Variants in PCSK2 observed in about 807,000 individuals in gnomAD.
The protein encoded by PCSK2 is proprotein convertase subtilisin/kexin type 2.
A neutral mutation model predicts 69.7 loss-of-function variants in PCSK2; 14 were observed. That is an observed-to-expected ratio of 0.20 (90% CI 0.13 to 0.31). PCSK2 has a LOEUF of 0.31. Among genes scored for constraint, PCSK2 ranks in the 10% least tolerant of loss-of-function variants. The probability of loss-of-function intolerance (pLI) is 1.00; values close to 1 mark genes in which losing one functional copy is unlikely to be tolerated. For synonymous variants in PCSK2, 307 were observed against 320.7 expected (o/e 0.96, Z 0.46); for missense variants, 544 against 842.5 (o/e 0.65, Z 4.39).
intron 2 of PCSK2, among the ~76,000 whole-genome samples, chr20:17,326,379 G>A (rs1377600186): frequency 6.6e-6 from 1 of 152,040 alleles, no homozygotes; most frequent in Non-Finnish European, 1.5e-5. Context: ...AGAACCTAAG[G>A]AACTATGATG....
In PCSK2 at chr20:17,356,147, G is replaced by GTATATA. The variant is rs200191838; in HGVS notation, c.283-2172_283-2167dup. Among the ~76,000 whole-genome samples, 39 of 151,200 alleles carry GTATATA rather than the reference G, an allele frequency of 2.6e-4. No individual in the cohort carries two copies. The South Asian group carries it at 2.9e-3, about 11-fold the overall frequency. ...TATATACACACATACATGTGCATAA[G>GTATATA]TATATATATATATGTATATGTACCT... On this transcript the variant is annotated intron_variant, in intron 2 of 11. Transcript: ENST00000262545.
chr20:17,348,214 G>C (rs1323823121), intron 2 of PCSK2, among the ~76,000 whole-genome samples: 1 of 152,210 alleles, frequency 6.6e-6, no homozygotes, highest in Non-Finnish European at 1.5e-5. Context: ...ACACACTTAG[G>C]AATGGACTCC....
chr20:17,407,157 CA>C (rs1211448125), intron 5 of PCSK2, among the ~76,000 whole-genome samples: 1 of 152,124 alleles, frequency 6.6e-6, no homozygotes, highest in East Asian at 1.9e-4. Flanking sequence ...TCAGATGCCT[CA>C]CAGGGGCATT....
chr20:17,299,453 A>G (rs1989005546), intron 2 of PCSK2, among the ~76,000 whole-genome samples: 1 of 152,030 alleles, frequency 6.6e-6, no homozygotes, highest in Non-Finnish European at 1.5e-5. Flanking sequence ...CTTCATTACA[A>G]TTACTTTTAA....
chr20:17,281,997 C>T lies in PCSK2; in HGVS notation c.282+21653C>T, dbSNP rs556499985. 4.6e-5 allele frequency among the ~76,000 whole-genome samples: 7 copies of T among 152,228 alleles called. No individual in the cohort carries two copies. The East Asian group carries it at 1.4e-3, about 30-fold the overall frequency. Reference sequence around the variant, plus strand: ...TTCTTAATCTTTGACCTTCCCAGTGCCATTCACACAATCCATAACAGTTCT... The same window carrying T: ...TTCTTAATCTTTGACCTTCCCAGTGTCATTCACACAATCCATAACAGTTCT... On this transcript the variant is annotated intron_variant, in intron 2 of 11. Transcript: ENST00000262545.
At chr20:17,389,324 G>A (rs1297178484) in intron 5 of PCSK2, among the ~76,000 whole-genome samples, 1 of 152,148 alleles carries the variant, frequency 6.6e-6, no homozygotes, top group African/African-American at 2.4e-5. Context: ...AGGAACAGCC[G>A]TGGTCATCAG....
chr20:17,473,343 G>A (rs1479231174), intron 11 of PCSK2, among the ~76,000 whole-genome samples: 1 of 151,898 alleles, frequency 6.6e-6, no homozygotes, highest in Non-Finnish European at 1.5e-5. Flanking sequence ...CCGACCCCTC[G>A]GCCTCGCAAA....
intron 1 of PCSK2, among the ~76,000 whole-genome samples, chr20:17,246,713 C>T (rs1296384968): frequency 6.6e-6 from 1 of 151,294 alleles, no homozygotes; most frequent in African/African-American, 2.4e-5. Flanking sequence ...GTGGTCTGTC[C>T]CCTAGTGGTC....
At chr20:17,350,231 A>G (rs1378835140) in intron 2 of PCSK2, among the ~76,000 whole-genome samples, 1 of 150,582 alleles carries the variant, frequency 6.6e-6, no homozygotes, top group Non-Finnish European at 1.5e-5. Context: ...GCCTTAATAT[A>G]TCTTTCAGGA....
chr20:17,299,945 C>T (rs923911849), intron 2 of PCSK2, among the ~76,000 whole-genome samples: 1 of 152,178 alleles, frequency 6.6e-6, no homozygotes, highest in Non-Finnish European at 1.5e-5. Flanking sequence ...ATGAACAAAG[C>T]TAGTCTTCTT....
intron 5 of PCSK2, among the ~76,000 whole-genome samples, chr20:17,374,458 G>A (rs757806008): frequency 2.0e-5 from 3 of 152,162 alleles, no homozygotes; most frequent in Non-Finnish European, 4.4e-5. Flanking sequence ...AACGTCTCCT[G>A]CTTTGTAGCT....
intron 5 of PCSK2, among the ~76,000 whole-genome samples, chr20:17,398,748 T>C (rs1200077715): frequency 1.3e-5 from 2 of 151,692 alleles, no homozygotes; most frequent in East Asian, 1.9e-4. Context: ...GTTGGGTTTG[T>C]TGGAGGTTTG....
At chr20:17,481,109 G>C (rs11087209) in intron 11 of PCSK2, among the ~76,000 whole-genome samples, 1 of 152,014 alleles carries the variant, frequency 6.6e-6, no homozygotes, top group African/African-American at 2.4e-5. Context: ...AGCCGGGCGT[G>C]GTGGCTCACA....
intron 2 of PCSK2, among the ~76,000 whole-genome samples, chr20:17,341,247 TAAATA>T (rs1990503482): frequency 6.6e-6 from 1 of 152,094 alleles, no homozygotes; most frequent in Non-Finnish European, 1.5e-5. Flanking sequence ...CAAAAATAAA[TAAATA>T]AAATAAAAGA....
intron 2 of PCSK2, among the ~76,000 whole-genome samples, chr20:17,272,582 A>G (rs992534501): frequency 5.9e-5 from 9 of 152,108 alleles, no homozygotes; most frequent in Admixed American, 1.3e-4. Context: ...CTTGTCATCT[A>G]TGATTTTGAT....
At chr20:17,280,043 A>G (rs1988248093) in intron 2 of PCSK2, among the ~76,000 whole-genome samples, 1 of 151,956 alleles carries the variant, frequency 6.6e-6, no homozygotes, top group Admixed American at 6.6e-5. Flanking sequence ...TCCGCAGAAG[A>G]AAACACTATT....
intron 2 of PCSK2, among the ~76,000 whole-genome samples, chr20:17,262,183 C>T (rs1987415370): frequency 6.6e-6 from 1 of 152,160 alleles, no homozygotes; most frequent in Non-Finnish European, 1.5e-5. Flanking sequence ...AATCATTTGT[C>T]TTTCTCTTCA....
At chr20:17,348,322 G>A (rs984486674) in intron 2 of PCSK2, among the ~76,000 whole-genome samples, 4 of 152,216 alleles carry the variant, frequency 2.6e-5, no homozygotes, top group African/African-American at 9.6e-5. Flanking sequence ...GGAGTGAGAT[G>A]AGCCTAGCTT....
intron 8 of PCSK2, among the ~76,000 whole-genome samples, chr20:17,443,204 A>G (rs966718152): frequency 6.6e-6 from 1 of 152,208 alleles, no homozygotes; most frequent in Non-Finnish European, 1.5e-5. Flanking sequence ...TACACTGTTC[A>G]GGAAATAGTG....
Sources: allele counts gnomAD v4.1 joint callset (sites outside exome capture counted in the v4.1 genomes callset), GRCh38; gene constraint gnomAD v4.1.1; transcripts MANE v1.5; gene names NCBI Gene and HGNC (gene_info 2026-07-23, HGNC 2026-07-21).